MAP2: variants seen among roughly 807,000 people sequenced by gnomAD.
MAP2 encodes microtubule-associated protein 2.
In MAP2, 14 loss-of-function variants were observed where a neutral mutation model predicts 137.6. That is an observed-to-expected ratio of 0.10 (90% CI 0.07 to 0.16). MAP2 has a LOEUF of 0.16. Among genes scored for constraint, MAP2 ranks in the 10% least tolerant of loss-of-function variants. MAP2 has a pLI of 1.00. For missense variants in MAP2, 2,088 were observed against 2,191.5 expected (o/e 0.95, Z 0.94); for synonymous variants, 786 against 782.3 (o/e 1.00, Z -0.08).
At chr2:209,600,189 AC>A (rs1227962831) in intron 3 of MAP2, among the ~76,000 whole-genome samples, 1 of 152,182 alleles carries the variant, frequency 6.6e-6, no homozygotes, top group Non-Finnish European at 1.5e-5. Flanking sequence ...AACAAACAAA[AC>A]AAAAAAAGCC....
intron 13 of MAP2, among the ~76,000 whole-genome samples, chr2:209,725,080 C>A (rs1423100741): frequency 6.6e-6 from 1 of 152,292 alleles, no homozygotes; most frequent in Non-Finnish European, 1.5e-5. Context: ...CAAGTACTCT[C>A]GTGCAGATGA....
At chr2:209,468,139 G>T (rs1465559754) in intron 1 of MAP2, among the ~76,000 whole-genome samples, 1 of 151,110 alleles carries the variant, frequency 6.6e-6, no homozygotes, top group Non-Finnish European at 1.5e-5. Context: ...TTTGGCACTT[G>T]GTTCTTGAAA....
In MAP2 at chr2:209,694,413, C is replaced by A. The variant is rs1224462584; in HGVS notation, c.2243C>A (p.Ala748Asp). The A allele has an allele frequency of 1.2e-6, 2 of 1,614,030 alleles. No homozygotes were observed. Among genetic ancestry groups the A allele is most frequent in the Non-Finnish European group, 8.5e-7 (1 of 1,179,986 alleles). Residue 748 changes from alanine to aspartate, a missense_variant, in exon 8 of 16, where the codon GCC becomes GAC. This residue lies in a region of MAP2 where 500 missense variants were observed against 482.9 expected (regional missense o/e 1.04). Coordinates refer to ENST00000682079, the MANE Select transcript of MAP2 (RefSeq NM_001375505.1). ...GATGAAGGGGATGATTACCTTCCAG[C>A]CACCACACCTGCACTGGAGAAAGCC... is the stretch of plus-strand genomic sequence containing the variant. ...SMDEGDDYLP[A>D]TTPALEKAPC... is the part of the protein sequence containing the mutation.
At chr2:209,493,341 A>T (rs2059365360) in intron 1 of MAP2, among the ~76,000 whole-genome samples, 2 of 152,240 alleles carry the variant, frequency 1.3e-5, no homozygotes, top group Admixed American at 1.3e-4. Flanking sequence ...AAGAAAACCT[A>T]GGCAATACCA....
At chr2:209,642,673 A>G (rs1179444812) in intron 4 of MAP2, among the ~76,000 whole-genome samples, 1 of 152,176 alleles carries the variant, frequency 6.6e-6, no homozygotes, top group African/African-American at 2.4e-5. Context: ...TCATCCTTAT[A>G]GGTATTTTAC....
chr2:209,496,458 C>T (rs765684191), intron 1 of MAP2, among the ~76,000 whole-genome samples: 1 of 152,108 alleles, frequency 6.6e-6, no homozygotes, highest in African/African-American at 2.4e-5. Flanking sequence ...ACCCTATAGC[C>T]CTATATTGGT....
intron 3 of MAP2, among the ~76,000 whole-genome samples, chr2:209,583,179 A>ATCTG (rs1267649428): frequency 1.3e-5 from 2 of 151,442 alleles, no homozygotes; most frequent in African/African-American, 4.9e-5. Context: ...CTATCTATCT[A>ATCTG]TCTATCTGTC....
chr2:209,586,877 A>G (rs1231338927), intron 3 of MAP2, among the ~76,000 whole-genome samples: 1 of 152,190 alleles, frequency 6.6e-6, no homozygotes, highest in East Asian at 1.9e-4. Flanking sequence ...GCAAGTCTGA[A>G]GTGAGCTCTT....
chr2:209,593,191 C>G (rs2079754629), intron 3 of MAP2, among the ~76,000 whole-genome samples: 1 of 151,984 alleles, frequency 6.6e-6, no homozygotes, highest in African/African-American at 2.4e-5. Context: ...AACATTCTTT[C>G]AAATCTCTCT....
intron 12 of MAP2, among the ~76,000 whole-genome samples, chr2:209,707,907 A>G (rs2063984034): frequency 6.6e-6 from 1 of 152,166 alleles, no homozygotes; most frequent in African/African-American, 2.4e-5. Flanking sequence ...ATTCACATCC[A>G]GAATATTGCT....
intron 3 of MAP2, among the ~76,000 whole-genome samples, chr2:209,589,014 G>A (rs1019843178): frequency 3.3e-5 from 5 of 152,168 alleles, no homozygotes; most frequent in Non-Finnish European, 7.4e-5. Flanking sequence ...AATAATAAAT[G>A]TAATATATTA....
intron 1 of MAP2, among the ~76,000 whole-genome samples, chr2:209,483,862 A>AACAAAAAAAAAAAAC (rs1267754993): frequency 1.6e-4 from 24 of 152,142 alleles, no homozygotes; most frequent in Admixed American, 1.2e-3. Context: ...AATGGGACAC[A>AACAAAAAAAAAAAAC]TGGAGCCAGG....
rs533721523 is a variant in MAP2, at chr2:209,488,811, C to T, written c.-221-18781C>T. On this transcript the variant is annotated intron_variant, in intron 1 of 15. Transcript: ENST00000682079. ...AGTCAGGGGCTTATAAATAAAACTCCCATCTCCCTGCAACGGAGCACCTGG... is the reference window on the plus strand; with the variant it reads ...AGTCAGGGGCTTATAAATAAAACTCTCATCTCCCTGCAACGGAGCACCTGG... Among the ~76,000 whole-genome samples the T allele has an allele frequency of 9.9e-5, 15 of 152,246 alleles. No individual in the cohort carries two copies. The East Asian group carries it at 2.1e-3, about 22-fold the overall frequency.
intron 3 of MAP2, among the ~76,000 whole-genome samples, chr2:209,591,422 T>G (rs1291633282): frequency 6.6e-6 from 1 of 152,202 alleles, no homozygotes; most frequent in Admixed American, 6.5e-5. Context: ...TTCTATCTCC[T>G]TCTACAAGAA....
intron 1 of MAP2, among the ~76,000 whole-genome samples, chr2:209,468,817 A>G (rs1704884354): frequency 6.6e-6 from 1 of 152,150 alleles, no homozygotes; most frequent in Non-Finnish European, 1.5e-5. Context: ...TGATCTGGGT[A>G]TATATTACCC....
intron 2 of MAP2, among the ~76,000 whole-genome samples, chr2:209,535,866 G>A (rs2150651055): frequency 6.6e-6 from 1 of 152,000 alleles, no homozygotes; most frequent in African/African-American, 2.4e-5. Context: ...TCTCCTATAA[G>A]CTGACCTCTT....
chr2:209,542,723 T>C (rs1048746216), intron 2 of MAP2, among the ~76,000 whole-genome samples: 5 of 152,230 alleles, frequency 3.3e-5, no homozygotes, highest in Non-Finnish European at 1.5e-5. Flanking sequence ...TGAACCAACC[T>C]CTGCTAGCTT....
In MAP2 at chr2:209,705,560, T is replaced by A; in HGVS notation, c.4585-20T>A. On this transcript the variant is annotated intron_variant, in intron 11 of 15. Coordinates refer to ENST00000682079, the MANE Select transcript of MAP2 (RefSeq NM_001375505.1). Reference sequence around the variant, plus strand: ...AAAGAGTTACAAGAACCCAATGTTCTTTTTGTTTTCTCCAATCAGGACGGA... The same window carrying A: ...AAAGAGTTACAAGAACCCAATGTTCATTTTGTTTTCTCCAATCAGGACGGA... 1 of 1,567,660 alleles carries A rather than the reference T, an allele frequency of 6.4e-7. No individual in the cohort carries two copies. Among genetic ancestry groups the A allele is most frequent in the Non-Finnish European group, 8.6e-7 (1 of 1,158,332 alleles).
chr2:209,466,440 G>A (rs536381787), intron 1 of MAP2, among the ~76,000 whole-genome samples: 22 of 152,218 alleles, frequency 1.4e-4, no homozygotes, highest in Non-Finnish European at 2.9e-4. Flanking sequence ...AGGACTAATA[G>A]TAGTATCTTC....
Sources: gnomAD v4.1 joint callset for allele counts (sites outside exome capture counted in the v4.1 genomes callset) on GRCh38, gnomAD v4.1.1 for gene constraint, gnomAD v4.1.1 regional missense constraint, MANE v1.5 for transcripts, NCBI Gene and HGNC (gene_info 2026-07-23, HGNC 2026-07-21) for gene names.